RSPH6A: variants seen among roughly 807,000 people sequenced by gnomAD.
The protein encoded by RSPH6A is radial spoke head protein 6 homolog A.
Under a neutral mutation model 66.1 loss-of-function variants are expected in RSPH6A, and 49 were observed. That is an observed-to-expected ratio of 0.74 (90% CI 0.59 to 0.94). The LOEUF (loss-of-function observed/expected upper bound fraction) is 0.94. RSPH6A is among the 40% of genes least tolerant of loss of function. RSPH6A has a pLI of 0.00. For missense variants in RSPH6A, 977 were observed against 948.3 expected, an observed-to-expected ratio of 1.03 and a Z score of -0.40; for synonymous variants, 419 against 402.4, an observed-to-expected ratio of 1.04 and a Z score of -0.49.
chr19:45,812,203 C>T (rs1238299838), intron 1 of RSPH6A, among the ~76,000 whole-genome samples: 1 of 151,670 alleles, frequency 6.6e-6, no homozygotes, highest in Non-Finnish European at 1.5e-5. Context: ...GTGATTCTCC[C>T]ACCTCAGACT....
Position 45,815,011 on chromosome 19 carries a change from C to G in RSPH6A, c.166G>C (p.Gly56Arg), listed in dbSNP as rs1568603089. The G allele has an allele frequency of 3.1e-6, 5 of 1,613,802 alleles. No individual in the cohort carries two copies. In the South Asian group the frequency reaches 3.3e-5, roughly 11 times the overall value. Residue 56 changes from glycine to arginine, a missense_variant, in exon 1 of 6, where the codon GGT becomes CGT. By Grantham distance (125) the Gly-to-Arg change is moderately radical. Coordinates refer to ENST00000221538, the MANE Select transcript of RSPH6A (RefSeq NM_030785.4). The part of the protein sequence containing the change: ...IPPDAQRNAP[G>R]WSQRGSLSQQ... ...GACAGGCTGCCCCTCTGTGACCAAC[C>G]AGGGGCGTTTCGCTGGGCGTCTGGA...
intron 5 of RSPH6A, among the ~76,000 whole-genome samples, chr19:45,796,764 C>T (rs1484876224): frequency 6.6e-6 from 1 of 152,104 alleles, no homozygotes; most frequent in Non-Finnish European, 1.5e-5. Flanking sequence ...CTGCCTGCCT[C>T]AGCCTCCCAA....
chr19:45,802,722 G>A (rs1173218235), intron 3 of RSPH6A, among the ~76,000 whole-genome samples: 1 of 151,552 alleles, frequency 6.6e-6, no homozygotes, highest in Non-Finnish European at 1.5e-5. Flanking sequence ...GGCCAGGCTG[G>A]TCTCGAACTC....
Position 45,796,036 on chromosome 19 carries a change from C to T in RSPH6A, c.1987G>A (p.Ala663Thr), listed in dbSNP as rs1461537761. The change falls in exon 6 of 6, where the codon GCC becomes ACC. Residue 663 changes from alanine to threonine, a missense_variant. Coordinates refer to ENST00000221538, the MANE Select transcript of RSPH6A (RefSeq NM_030785.4). ...CTGGGGTACTCTTGTTGAATGGGGG[C>T]TGGCAGGGCCGGGTTGAAGCTCTCG... ...SPESFNPALP[A>T]PIQQEYPSGP... The T allele has an allele frequency of 5.6e-6, 9 of 1,613,526 alleles. No individual in the cohort carries two copies. The highest frequency in any genetic ancestry group is 1.7e-5 in the Admixed American group (1 of 59,960).
chr19:45,812,610 C>G (rs1013868037), intron 1 of RSPH6A, among the ~76,000 whole-genome samples: 3 of 152,086 alleles, frequency 2.0e-5, no homozygotes, highest in Non-Finnish European at 4.4e-5. Context: ...TTAATTCTGA[C>G]TAGATTCTAG....
Position 45,804,616 on chromosome 19 carries a change from A to T in RSPH6A, c.1289T>A (p.Val430Glu). The T allele has an allele frequency of 6.2e-7, 1 of 1,614,150 alleles. No homozygotes were observed. Among genetic ancestry groups the T allele is most frequent in the Non-Finnish European group, 8.5e-7 (1 of 1,180,014 alleles). ...CCATGGCAGGCCCGGCTCGTTGCAC[A>T]CAAAGTACAGGTACTTGTTGGCGCC... ...RSGANKYLYF[V>E]CNEPGLPWTR... Residue 430 changes from valine to glutamate, a missense_variant, in exon 3 of 6, where the codon GTG becomes GAG. Coordinates refer to ENST00000221538, the MANE Select transcript of RSPH6A (RefSeq NM_030785.4). This position sits in a 1 kb window ranked among gnomAD's most constrained non-coding sequence, Gnocchi z 5.8.
At chr19:45,813,135 C>A (rs1436538680) in intron 1 of RSPH6A, among the ~76,000 whole-genome samples, 1 of 152,108 alleles carries the variant, frequency 6.6e-6, no homozygotes, top group Non-Finnish European at 1.5e-5. Flanking sequence ...TCATCAACCT[C>A]ATTTCTCCCG....
Position 45,795,936 on chromosome 19 carries a change from G to A in RSPH6A, c.2087C>T (p.Ala696Val). The A allele has an allele frequency of 6.4e-7, 1 of 1,568,086 alleles. No individual in the cohort carries two copies. The highest frequency in any genetic ancestry group is 8.6e-7 in the Non-Finnish European group (1 of 1,161,754). Reference sequence around the variant, plus strand: ...CTCCTCCTCCTCTGTGGCTCCCAGGGCTTGTTCCTGGGCTGCTTTCAGAGC... The same window carrying A: ...CTCCTCCTCCTCTGTGGCTCCCAGGACTTGTTCCTGGGCTGCTTTCAGAGC... ...EQALKAAQEQ[A>V]LGATEEEEEG... is the part of the protein sequence containing the mutation. The change falls in exon 6 of 6, where the codon GCC becomes GTC. Residue 696 changes from alanine (A) to valine (V), a missense_variant. Physicochemically the swap from Ala to Val is moderately conservative, Grantham distance 64 (BLOSUM62 0). Transcript: ENST00000221538.
intron 3 of RSPH6A, among the ~76,000 whole-genome samples, chr19:45,803,425 C>T (rs1970497078): frequency 6.6e-6 from 1 of 151,910 alleles, no homozygotes; most frequent in South Asian, 2.1e-4. Flanking sequence ...GCCTGTAATC[C>T]CAGCACTTTG....
At chr19:45,813,278 T>A (rs1209433978) in intron 1 of RSPH6A, among the ~76,000 whole-genome samples, 13 of 152,096 alleles carry the variant, frequency 8.5e-5, no homozygotes. Context: ...ATCTGCAAGA[T>A]GCTCTCCCTC....
intron 1 of RSPH6A, 133 bp downstream of exon 1, chr19:45,814,394 C>A (rs1970671995): frequency 2.7e-6 from 2 of 749,130 alleles, no homozygotes; most frequent in East Asian, 6.0e-5. Context: ...GCATTGATTC[C>A]GACTCAGCTG....
At position 45,814,696 on chromosome 19, in the gene RSPH6A, C is replaced by T. The variant is rs141354888; in HGVS notation, c.481G>A (p.Ala161Thr). ...TCCCTTATGTAAGGCCCGTGCTGGG[C>T]ACCTTCAGAGAACTGGTCTGTCTGG... is the stretch of plus-strand genomic sequence containing the variant. ...LYQTDQFSEG[A>T]QHGPYIRDDP... is the part of the protein sequence containing the mutation. Residue 161 changes from alanine (A) to threonine (T), a missense_variant, in exon 1 of 6, where the codon GCC becomes ACC. Physicochemically the swap from Ala to Thr is moderately conservative, Grantham distance 58. Transcript: ENST00000221538. 6.2e-6 allele frequency: 10 copies of T among 1,612,486 alleles called. No individual in the cohort carries two copies. The African/African-American group carries it at 8.0e-5, about 13-fold the overall frequency.
At chr19:45,811,056 T>C in intron 1 of RSPH6A, 1 of 358,888 alleles carries the variant, frequency 2.8e-6, no homozygotes. Flanking sequence ...ATGCAGTGGT[T>C]CATCTCGGCT....
chr19:45,815,273 G>C lies in RSPH6A; in HGVS notation c.-97C>G. The C allele has an allele frequency of 7.5e-7, 1 of 1,338,282 alleles. No homozygotes were observed. The highest frequency in any genetic ancestry group is 9.9e-7 in the Non-Finnish European group (1 of 1,006,510). The allele number at this position is 1,338,282 out of a possible 1,614,324, so 82.9% of individuals were successfully genotyped here. Reference sequence around the variant, plus strand: ...GACACCGCCGGTTTCTGAGCACCGAGAGAGGGGGCCGTTACCCGTGGAGGG... The same window carrying C: ...GACACCGCCGGTTTCTGAGCACCGACAGAGGGGGCCGTTACCCGTGGAGGG... On this transcript the variant is annotated 5_prime_UTR_variant, in exon 1 of 6. Coordinates refer to ENST00000221538, the MANE Select transcript of RSPH6A (RefSeq NM_030785.4).
chr19:45,804,699 G>T lies in RSPH6A; in HGVS notation c.1206C>A (p.Ile402=). The T allele has an allele frequency of 6.2e-7, 1 of 1,613,878 alleles. No individual in the cohort carries two copies. Among genetic ancestry groups the T allele is most frequent in the African/African-American group, 1.3e-5 (1 of 74,924 alleles). Residue 402 remains isoleucine, a synonymous_variant, in exon 3 of 6, where the codon ATC becomes ATA. Coordinates refer to ENST00000221538, the MANE Select transcript of RSPH6A (RefSeq NM_030785.4). The surrounding 1 kb of genome is among the most constrained non-coding windows in gnomAD (Gnocchi z 5.8). The stretch of plus-strand genomic sequence containing the variant: ...GCGGCTTCCATACGGACTTAGGGAC[G>T]ATGTCCACGGCCTTCTCCTCGTCCT... The part of the protein sequence containing the change: ...GEEDEEKAVD[I]VPKSVWKPPP...
intron 5 of RSPH6A, among the ~76,000 whole-genome samples, chr19:45,796,991 C>G (rs1024400953): frequency 3.3e-5 from 5 of 152,106 alleles, no homozygotes; most frequent in African/African-American, 4.8e-5. Flanking sequence ...ATTGCCGGAG[C>G]CCAGGAGTTT....
chr19:45,812,489 T>C lies in RSPH6A; in HGVS notation c.651-1649A>G, dbSNP rs549967344. On this transcript the variant is annotated intron_variant, in intron 1 of 5. Coordinates refer to ENST00000221538, the MANE Select transcript of RSPH6A (RefSeq NM_030785.4). ...TTGTTGGCAGTCTTGGGTGTGGTGT[T>C]GGGCCATCATGGAAGTTGGGAAGGG... Among the ~76,000 whole-genome samples, 72 of 152,158 alleles carry C rather than the reference T, an allele frequency of 4.7e-4. 2 individuals carry two copies. In the South Asian group the frequency reaches 7.7e-3, roughly 16 times the overall value.
chr19:45,800,756 ACACACACACACACACACACTCT>A (rs1568597683), intron 4 of RSPH6A, among the ~76,000 whole-genome samples, 193 bp from the exon 5 acceptor site: 3 of 139,672 alleles, frequency 2.1e-5, no homozygotes, highest in African/African-American at 2.8e-5. Flanking sequence ...ACACACACAC[ACACACACACACACACACACTCT>A]CTCTCTCTCT....
chr19:45,804,576 G>A lies in RSPH6A; in HGVS notation c.1329C>T (p.His443=), dbSNP rs778034228. ...CGTTCACGATCTGGGCTGGAGTGACGTGGGGCAGCCGCGTCCATGGCAGGC... is the reference window on the plus strand; with the variant it reads ...CGTTCACGATCTGGGCTGGAGTGACATGGGGCAGCCGCGTCCATGGCAGGC... ...EPGLPWTRLP[H]VTPAQIVNAR... Residue 443 remains histidine, a synonymous_variant, in exon 3 of 6, where the codon CAC becomes CAT. Coordinates refer to ENST00000221538, the MANE Select transcript of RSPH6A (RefSeq NM_030785.4). The surrounding 1 kb of genome is among the most constrained non-coding windows in gnomAD (Gnocchi z 5.8). 12 of 1,614,088 alleles carry A rather than the reference G, an allele frequency of 7.4e-6. No homozygotes were observed. The highest frequency in any genetic ancestry group is 3.3e-5 in the Admixed American group (2 of 60,006).
Sources: allele counts gnomAD v4.1 joint callset (sites outside exome capture counted in the v4.1 genomes callset), GRCh38; gene constraint gnomAD v4.1.1; non-coding constraint Gnocchi (gnomAD v3.1); transcripts MANE v1.5; gene names NCBI Gene and HGNC (gene_info 2026-07-23, HGNC 2026-07-21).